Variants in TRAF3 observed in about 807,000 individuals in gnomAD.
TRAF3 encodes the protein TNF receptor associated factor 3, also known as TNF receptor-associated factor 3.
In TRAF3, 13 loss-of-function variants were observed where a neutral mutation model predicts 62.3. The observed-to-expected ratio is 0.21, with a 90% CI of 0.14 to 0.33. The LOEUF (loss-of-function observed/expected upper bound fraction) is 0.33, where lower values mean the gene tolerates loss of function less well. Among genes scored for constraint, TRAF3 ranks in the 10% least tolerant of loss-of-function variants. TRAF3 has a pLI of 1.00. For missense variants in TRAF3, 440 were observed against 741.8 expected (o/e 0.59, Z 4.73); for synonymous variants, 269 against 283.4 (o/e 0.95, Z 0.51).
chr14:102,803,678 TG>T (rs1898585682), intron 1 of TRAF3, among the ~76,000 whole-genome samples: 1 of 151,996 alleles, frequency 6.6e-6, no homozygotes, highest in South Asian at 2.1e-4. Flanking sequence ...CCTGAGTAGC[TG>T]GGTGTGCACC....
chr14:102,863,816 G>A (rs1481448594), intron 2 of TRAF3, among the ~76,000 whole-genome samples: 2 of 152,182 alleles, frequency 1.3e-5, no homozygotes, highest in Non-Finnish European at 2.9e-5. Flanking sequence ...CCTAGTAGAT[G>A]CCTCAGCACT....
chr14:102,833,723 G>A lies in TRAF3; in HGVS notation c.-18+3251G>A, dbSNP rs1393411510. The stretch of plus-strand genomic sequence containing the variant: ...AATATTCGGGCATGTGGCCGGGTGC[G>A]GTGGCTCACGCTTGTAATCCCAGCT... On this transcript the variant is annotated intron_variant, in intron 2 of 11. Coordinates refer to ENST00000392745, the MANE Select transcript of TRAF3 (RefSeq NM_145725.3). 2.0e-5 allele frequency among the ~76,000 whole-genome samples: 3 copies of A among 152,182 alleles called. No homozygotes were observed. The East Asian group carries it at 5.8e-4, about 29-fold the overall frequency.
At chr14:102,785,504 C>T (rs1335647775) in intron 1 of TRAF3, among the ~76,000 whole-genome samples, 1 of 152,178 alleles carries the variant, frequency 6.6e-6, no homozygotes, top group Non-Finnish European at 1.5e-5. Context: ...GTTTTACAAA[C>T]ATTAGCTTGT....
intron 2 of TRAF3, among the ~76,000 whole-genome samples, chr14:102,837,741 A>T (rs1205681629): frequency 2.6e-5 from 4 of 152,298 alleles, no homozygotes; most frequent in Non-Finnish European, 1.5e-5. Context: ...GCCTCTTGCT[A>T]AGGAATTAGA....
At chr14:102,891,446 G>T in intron 9 of TRAF3, 29 bp downstream of exon 9, 1 of 1,591,568 alleles carries the variant, frequency 6.3e-7, no homozygotes, top group South Asian at 1.1e-5. Flanking sequence ...TGCTGCTATG[G>T]GATTTGTATC....
At chr14:102,879,595 T>G (rs1213361218) in intron 6 of TRAF3, among the ~76,000 whole-genome samples, 1 of 151,884 alleles carries the variant, frequency 6.6e-6, no homozygotes, top group East Asian at 1.9e-4. Context: ...GGAGAGTTTC[T>G]TTTGCTTTTT....
At chr14:102,814,462 A>C (rs1401840622) in intron 1 of TRAF3, among the ~76,000 whole-genome samples, 1 of 151,992 alleles carries the variant, frequency 6.6e-6, no homozygotes, top group African/African-American at 2.4e-5. Context: ...TATTTTTTCT[A>C]TTTCTGTGAA....
chr14:102,886,392 A>G, intron 7 of TRAF3, 123 bp downstream of exon 7: 1 of 828,274 alleles, frequency 1.2e-6, no homozygotes, highest in Non-Finnish European at 1.9e-6. Flanking sequence ...TGTATGGCAG[A>G]CAAACAAAAA....
At chr14:102,783,082 C>G (rs898227564) in intron 1 of TRAF3, among the ~76,000 whole-genome samples, 1 of 152,176 alleles carries the variant, frequency 6.6e-6, no homozygotes, top group African/African-American at 2.4e-5. Context: ...GCCTTCCCTC[C>G]TTCCACCAAG....
At chr14:102,801,098 G>A (rs1317131090) in intron 1 of TRAF3, among the ~76,000 whole-genome samples, 2 of 152,214 alleles carry the variant, frequency 1.3e-5, no homozygotes, top group Admixed American at 6.5e-5. Flanking sequence ...CCCGGAAGGC[G>A]GAGCTTGCAG....
At chr14:102,817,747 C>CTTA (rs1437563452) in intron 1 of TRAF3, among the ~76,000 whole-genome samples, 1 of 152,188 alleles carries the variant, frequency 6.6e-6, no homozygotes, top group Non-Finnish European at 1.5e-5. Flanking sequence ...AGTGCTTATC[C>CTTA]TCAGGGTTCT....
At position 102,859,193 on chromosome 14, in the gene TRAF3, C is replaced by CAA. The variant is rs34556286; in HGVS notation, c.-17-10979_-17-10978dup. Reference sequence around the variant, plus strand: ...AATCCCTTAACCCTTTAATTTAGGCCAAAAAAAAAAAAAATCCACATTCAC... The same window carrying CAA: ...AATCCCTTAACCCTTTAATTTAGGCCAAAAAAAAAAAAAAAATCCACATTCAC... On this transcript the variant is annotated intron_variant, in intron 2 of 11. Coordinates refer to ENST00000392745, the MANE Select transcript of TRAF3 (RefSeq NM_145725.3). Among the ~76,000 whole-genome samples, 1,392 of 143,936 alleles carry CAA rather than the reference C, an allele frequency of 9.7e-3. 26 individuals are homozygous for CAA. Among genetic ancestry groups the CAA allele is most frequent in the African/African-American group, 0.032 (1,302 of 40,062 alleles). The allele number at this position is 143,936 out of a possible 152,430, so 94.4% of individuals were successfully genotyped here.
chr14:102,818,306 C>T (rs1172146923), intron 1 of TRAF3, among the ~76,000 whole-genome samples: 1 of 152,054 alleles, frequency 6.6e-6, no homozygotes, highest in East Asian at 1.9e-4. Context: ...TAGCCTTTTT[C>T]TTTTTGTACA....
chr14:102,850,688 T>TAAAAAAAAA (rs35096461), intron 2 of TRAF3, among the ~76,000 whole-genome samples: 1 of 87,518 alleles, frequency 1.1e-5, no homozygotes, highest in African/African-American at 4.9e-5. Context: ...AGACTCCGTC[T>TAAAAAAAAA]AAAAAAAAAA....
intron 1 of TRAF3, among the ~76,000 whole-genome samples, chr14:102,812,913 C>G (rs904642050): frequency 6.6e-6 from 1 of 150,868 alleles, no homozygotes; most frequent in Non-Finnish European, 1.5e-5. Context: ...AGCGAGACTC[C>G]GTCTCAAAAA....
At chr14:102,822,027 G>C (rs1309947510) in intron 1 of TRAF3, among the ~76,000 whole-genome samples, 5 of 152,196 alleles carry the variant, frequency 3.3e-5, no homozygotes, top group African/African-American at 1.2e-4. Context: ...GGATGACAGA[G>C]TGAGACTCCA....
At chr14:102,899,001 G>T (rs1169016245) in intron 10 of TRAF3, among the ~76,000 whole-genome samples, 1 of 152,212 alleles carries the variant, frequency 6.6e-6, no homozygotes, top group Non-Finnish European at 1.5e-5. Flanking sequence ...AGGAGGCTGG[G>T]CGTGGCGGAG....
At chr14:102,836,162 C>T (rs1435104772) in intron 2 of TRAF3, among the ~76,000 whole-genome samples, 7 of 152,220 alleles carry the variant, frequency 4.6e-5, no homozygotes, top group Non-Finnish European at 8.8e-5. Flanking sequence ...AGGTGTACTG[C>T]CTGCACACAG....
chr14:102,903,474 C>T lies in TRAF3; in HGVS notation c.1135+45C>T, dbSNP rs1399881463. The T allele has an allele frequency of 1.2e-6, 2 of 1,611,962 alleles. No homozygotes were observed. The highest frequency in any genetic ancestry group is 2.7e-5 in the African/African-American group (2 of 74,870). ...CGGGCCAGCAGTGTGCATCTGGGCCCCGGGCGAGTGCTGGGGCGGGGTCCG... is the reference window on the plus strand; with the variant it reads ...CGGGCCAGCAGTGTGCATCTGGGCCTCGGGCGAGTGCTGGGGCGGGGTCCG... On this transcript the variant is annotated intron_variant, in intron 11 of 11. Transcript: ENST00000392745. The surrounding 1 kb of genome is among the most constrained non-coding windows in gnomAD (Gnocchi z 6.4).
Sources: gnomAD v4.1 joint callset for allele counts (sites outside exome capture counted in the v4.1 genomes callset) on GRCh38, gnomAD v4.1.1 for gene constraint, Gnocchi (gnomAD v3.1) non-coding constraint, MANE v1.5 for transcripts, NCBI Gene and HGNC (gene_info 2026-07-23, HGNC 2026-07-21) for gene names.